TENM3: variants seen among roughly 807,000 people sequenced by gnomAD.
The protein encoded by TENM3 is teneurin-3.
TENM3 carries 63 observed loss-of-function variants against 255.1 expected under a neutral mutation model. That is an observed-to-expected ratio of 0.25 (90% CI 0.20 to 0.30). The LOEUF (loss-of-function observed/expected upper bound fraction) is 0.30, where lower values mean the gene tolerates loss of function less well. Among genes scored for constraint, TENM3 ranks in the 10% least tolerant of loss-of-function variants. TENM3 has a pLI of 1.00. For synonymous variants in TENM3, 1,306 were observed against 1,322.3 expected, an observed-to-expected ratio of 0.99 and a Z score of 0.27; for missense variants, 2,929 against 3,461.1, an observed-to-expected ratio of 0.85 and a Z score of 3.86.
the TENM3 span, among the ~76,000 whole-genome samples, chr4:181,824,828 T>C: frequency 6.6e-6 from 1 of 152,212 alleles, no homozygotes; most frequent in African/African-American, 2.4e-5. Flanking sequence ...GTCCTAGCCA[T>C]GTCCTGGTGG....
chr4:182,108,776 C>T, the TENM3 span, among the ~76,000 whole-genome samples: 5 of 152,174 alleles, frequency 3.3e-5, no homozygotes, highest in African/African-American at 9.7e-5. Flanking sequence ...CTCAGCTCTT[C>T]CCCCTTAGGG....
At chr4:181,715,550 A>G in the TENM3 span, among the ~76,000 whole-genome samples, 1 of 152,364 alleles carries the variant, frequency 6.6e-6, no homozygotes, top group African/African-American at 2.4e-5. Flanking sequence ...ATAATTCAAG[A>G]CAAAGAGATC....
chr4:181,923,899 C>A, the TENM3 span, among the ~76,000 whole-genome samples: 1 of 152,162 alleles, frequency 6.6e-6, no homozygotes, highest in East Asian at 1.9e-4. Context: ...TGTTGTTGTA[C>A]CTAGTTGTAC....
chr4:182,740,667 G>T (rs2152730880), intron 18 of TENM3, among the ~76,000 whole-genome samples: 1 of 152,202 alleles, frequency 6.6e-6, no homozygotes, highest in East Asian at 1.9e-4. Context: ...CTCCGAAAAA[G>T]CCCATGCCTC....
intron 1 of TENM3, among the ~76,000 whole-genome samples, chr4:182,306,089 C>CCCTGTACATG (rs1165473297): frequency 1.3e-5 from 2 of 152,178 alleles, no homozygotes; most frequent in African/African-American, 4.8e-5. Context: ...GGAAGTTACA[C>CCCTGTACATG]AAACCTGTAC....
At chr4:181,576,176 C>T in the TENM3 span, among the ~76,000 whole-genome samples, 2 of 152,168 alleles carry the variant, frequency 1.3e-5, no homozygotes, top group Non-Finnish European at 2.9e-5. Context: ...CATTAATGAG[C>T]TCCCACTTAG....
At chr4:181,489,615 C>T in the TENM3 span, among the ~76,000 whole-genome samples, 3 of 152,050 alleles carry the variant, frequency 2.0e-5, no homozygotes, top group Non-Finnish European at 4.4e-5. Context: ...TACCCTATTT[C>T]GTATAATAGG....
the TENM3 span, among the ~76,000 whole-genome samples, chr4:181,815,006 A>T: frequency 6.6e-6 from 1 of 152,224 alleles, no homozygotes; most frequent in African/African-American, 2.4e-5. Context: ...TATAAAATAG[A>T]TAAACCCCTC....
the TENM3 span, among the ~76,000 whole-genome samples, chr4:182,086,134 A>G: frequency 6.6e-6 from 1 of 152,162 alleles, no homozygotes; most frequent in Non-Finnish European, 1.5e-5. Context: ...ATATTAAACT[A>G]TTAAAACAGG....
At chr4:182,013,094 G>A in the TENM3 span, among the ~76,000 whole-genome samples, 1 of 152,144 alleles carries the variant, frequency 6.6e-6, no homozygotes, top group Admixed American at 6.5e-5. Context: ...CCCCTTGAAT[G>A]AATGGCGAGC....
the TENM3 span, among the ~76,000 whole-genome samples, chr4:181,468,672 T>C: frequency 2.6e-5 from 4 of 152,234 alleles, no homozygotes; most frequent in South Asian, 2.1e-4. Context: ...AGCAGACAAA[T>C]GAAGTCTTAG....
At position 182,487,756 on chromosome 4, in the gene TENM3, G is replaced by A. The variant is rs111787545; in HGVS notation, c.512-113168G>A. Among the ~76,000 whole-genome samples, 287 of 152,206 alleles carry A rather than the reference G, an allele frequency of 1.9e-3. 2 individuals carry two copies. Among genetic ancestry groups the A allele is most frequent in the Middle Eastern group, 6.8e-3 (2 of 294 alleles). On this transcript the variant is annotated intron_variant, in intron 3 of 27. Transcript: ENST00000511685. ...ACATAATCACATGATAGATGCTTGC[G>A]ATATCTTTAAAATGAGACCTAAATA...
intron 12 of TENM3, among the ~76,000 whole-genome samples, chr4:182,709,667 C>T (rs1758605931): frequency 6.6e-6 from 1 of 151,940 alleles, no homozygotes; most frequent in Admixed American, 6.6e-5. Context: ...TATTTAGAAC[C>T]AGGTTTTTGT....
chr4:182,324,935 C>G (rs1763296056), intron 2 of TENM3, among the ~76,000 whole-genome samples: 1 of 152,208 alleles, frequency 6.6e-6, no homozygotes, highest in Admixed American at 6.5e-5. Context: ...ATCATGACTC[C>G]TGTAACTTTA....
At chr4:182,126,885 C>T in the TENM3 span, among the ~76,000 whole-genome samples, 1 of 152,210 alleles carries the variant, frequency 6.6e-6, no homozygotes, top group Admixed American at 6.5e-5. Flanking sequence ...CCATCCTCAA[C>T]ACAGAGACTT....
chr4:182,206,239 A>G (rs1201337378), intron 1 of TENM3, among the ~76,000 whole-genome samples: 1 of 152,152 alleles, frequency 6.6e-6, no homozygotes, highest in Non-Finnish European at 1.5e-5. Context: ...CTGGCTCCTC[A>G]TGCCCAGGCT....
At chr4:182,589,896 C>T (rs554974401) in intron 3 of TENM3, among the ~76,000 whole-genome samples, 1 of 152,180 alleles carries the variant, frequency 6.6e-6, no homozygotes, top group African/African-American at 2.4e-5. Flanking sequence ...ATCGCTTGTA[C>T]CCGGGAGGCA....
At chr4:182,365,302 G>C (rs1014105431) in intron 3 of TENM3, among the ~76,000 whole-genome samples, 1 of 152,224 alleles carries the variant, frequency 6.6e-6, no homozygotes, top group Non-Finnish European at 1.5e-5. Flanking sequence ...GATGGACTTC[G>C]AGGACACCAG....
chr4:182,574,488 G>A (rs1279527788), intron 3 of TENM3, among the ~76,000 whole-genome samples: 1 of 152,088 alleles, frequency 6.6e-6, no homozygotes, highest in Non-Finnish European at 1.5e-5. Context: ...TGAAGCAAAT[G>A]AATTCTCCTG....
Sources: gnomAD v4.1 joint callset for allele counts (sites outside exome capture counted in the v4.1 genomes callset) on GRCh38, gnomAD v4.1.1 for gene constraint, MANE v1.5 for transcripts, NCBI Gene and HGNC (gene_info 2026-07-23, HGNC 2026-07-21) for gene names.